Variants in RBMS3 observed in about 807,000 individuals in gnomAD.
The protein encoded by RBMS3 is RNA-binding motif, single-stranded-interacting protein 3.
A neutral mutation model predicts 66.8 loss-of-function variants in RBMS3; 27 were observed. The observed-to-expected ratio is 0.40, with a 90% CI of 0.30 to 0.56. The LOEUF (loss-of-function observed/expected upper bound fraction) is 0.56, where lower values mean the gene tolerates loss of function less well. RBMS3 is among the 20% of genes least tolerant of loss of function. RBMS3 has a pLI of 0.40. For missense variants in RBMS3, 513 were observed against 549.5 expected, an observed-to-expected ratio of 0.93 and a Z score of 0.66; for synonymous variants, 188 against 183.0, an observed-to-expected ratio of 1.03 and a Z score of -0.22.
intron 4 of RBMS3, among the ~76,000 whole-genome samples, chr3:29,662,399 A>G (rs540033753): frequency 6.6e-6 from 1 of 152,272 alleles, no homozygotes; most frequent in South Asian, 2.1e-4. Context: ...ATTTTTCGAA[A>G]ATTGAGCATC....
chr3:29,751,428 T>C (rs2055177669), intron 5 of RBMS3, among the ~76,000 whole-genome samples: 1 of 152,224 alleles, frequency 6.6e-6, no homozygotes, highest in South Asian at 2.1e-4. Flanking sequence ...GGGCACAGAC[T>C]GTGGCCTTAC....
chr3:29,476,380 T>G (rs2042948144), intron 2 of RBMS3, among the ~76,000 whole-genome samples: 1 of 152,218 alleles, frequency 6.6e-6, no homozygotes, highest in African/African-American at 2.4e-5. Context: ...AAGGTAGTTA[T>G]ATACATTTTA....
intron 6 of RBMS3, among the ~76,000 whole-genome samples, chr3:29,798,753 T>C (rs1275127747): frequency 6.6e-6 from 1 of 152,180 alleles, no homozygotes. Flanking sequence ...TGATGCAATT[T>C]GGTGTCTATA....
At chr3:29,877,711 C>T (rs1171502944) in intron 7 of RBMS3, among the ~76,000 whole-genome samples, 1 of 152,142 alleles carries the variant, frequency 6.6e-6, no homozygotes, top group Non-Finnish European at 1.5e-5. Flanking sequence ...CTGGTAGAAA[C>T]AAACCATTCA....
At chr3:29,645,692 G>A (rs935130870) in intron 4 of RBMS3, among the ~76,000 whole-genome samples, 9 of 152,098 alleles carry the variant, frequency 5.9e-5, no homozygotes, top group African/African-American at 1.9e-4. Context: ...TTGACTTTGA[G>A]GCAGAGTCTA....
At chr3:29,804,541 A>C (rs2057483943) in intron 6 of RBMS3, among the ~76,000 whole-genome samples, 1 of 152,072 alleles carries the variant, frequency 6.6e-6, no homozygotes, top group South Asian at 2.1e-4. Context: ...ATTGAGATTC[A>C]ACTCTACTTT....
At chr3:29,460,476 A>G (rs2042336306) in intron 2 of RBMS3, among the ~76,000 whole-genome samples, 1 of 152,226 alleles carries the variant, frequency 6.6e-6, no homozygotes, top group African/African-American at 2.4e-5. Flanking sequence ...AAAGTAAAAT[A>G]AAATGCCACT....
At chr3:29,282,300 T>A (rs936951788) in intron 1 of RBMS3, among the ~76,000 whole-genome samples, 1 of 152,162 alleles carries the variant, frequency 6.6e-6, no homozygotes, top group Non-Finnish European at 1.5e-5. Context: ...TAATTTGCCT[T>A]GCCTATTTTA....
At chr3:29,558,301 A>G (rs1232098703) in intron 3 of RBMS3, among the ~76,000 whole-genome samples, 2 of 152,104 alleles carry the variant, frequency 1.3e-5, no homozygotes, top group Non-Finnish European at 2.9e-5. Flanking sequence ...TAAAGATGCA[A>G]TTGAAGAAAA....
At chr3:29,524,882 G>C (rs2045031211) in intron 3 of RBMS3, among the ~76,000 whole-genome samples, 1 of 152,124 alleles carries the variant, frequency 6.6e-6, no homozygotes, top group African/African-American at 2.4e-5. Context: ...GTGAGACATT[G>C]TCTCTAAAAA....
intron 3 of RBMS3, among the ~76,000 whole-genome samples, chr3:29,543,929 G>T (rs1225100998): frequency 6.6e-6 from 1 of 151,884 alleles, no homozygotes; most frequent in Non-Finnish European, 1.5e-5. Context: ...AATTATTTGG[G>T]TAATAAAAGT....
At chr3:29,685,341 G>A (rs2051683084) in intron 4 of RBMS3, among the ~76,000 whole-genome samples, 1 of 152,164 alleles carries the variant, frequency 6.6e-6, no homozygotes. Flanking sequence ...CATTACAGGC[G>A]CGAGCTGCAG....
intron 3 of RBMS3, among the ~76,000 whole-genome samples, chr3:29,552,973 G>A (rs1413416315): frequency 1.3e-5 from 2 of 152,006 alleles, no homozygotes; most frequent in South Asian, 4.1e-4. Flanking sequence ...TATAACCCTG[G>A]GTAGGTTAAC....
chr3:29,720,357 G>C (rs982199320), intron 4 of RBMS3, among the ~76,000 whole-genome samples: 1 of 152,032 alleles, frequency 6.6e-6, no homozygotes, highest in African/African-American at 2.4e-5. Context: ...CAGTGAATGT[G>C]TACAGCCAAT....
chr3:29,798,480 G>A (rs2057286107), intron 6 of RBMS3, among the ~76,000 whole-genome samples: 1 of 151,702 alleles, frequency 6.6e-6, no homozygotes, highest in Non-Finnish European at 1.5e-5. Flanking sequence ...GAAAGAAGAG[G>A]CAGAAGGCTG....
chr3:29,712,071 A>C (rs1465339837), intron 4 of RBMS3, among the ~76,000 whole-genome samples: 1 of 152,136 alleles, frequency 6.6e-6, no homozygotes, highest in African/African-American at 2.4e-5. Context: ...CTACAGCTTA[A>C]AGAATCAGAC....
At chr3:29,719,469 G>A (rs904836855) in intron 4 of RBMS3, among the ~76,000 whole-genome samples, 29 of 152,004 alleles carry the variant, frequency 1.9e-4, no homozygotes, top group African/African-American at 7.0e-4. Context: ...CGACTGTGTT[G>A]AGCCAAACTA....
chr3:29,832,921 T>C (rs906893457), intron 6 of RBMS3, among the ~76,000 whole-genome samples: 2 of 152,142 alleles, frequency 1.3e-5, no homozygotes, highest in African/African-American at 4.8e-5. Flanking sequence ...CAAGAGCAAG[T>C]GTCTCACTCA....
intron 6 of RBMS3, among the ~76,000 whole-genome samples, chr3:29,794,840 AC>A (rs2057129717): frequency 6.6e-6 from 1 of 152,196 alleles, no homozygotes; most frequent in African/African-American, 2.4e-5. Context: ...AGAGCAGGAC[AC>A]AGGGCAAAAC....
Sources: allele counts gnomAD v4.1 joint callset (sites outside exome capture counted in the v4.1 genomes callset), GRCh38; gene constraint gnomAD v4.1.1; transcripts MANE v1.5; gene names NCBI Gene and HGNC (gene_info 2026-07-23, HGNC 2026-07-21).